Variants in WDR93 observed in about 807,000 individuals in gnomAD.
WDR93 encodes the protein WD repeat-containing protein 93.
In WDR93, 73 loss-of-function variants were observed where a neutral mutation model predicts 82.9. That is an observed-to-expected ratio of 0.88 (90% confidence interval 0.73 to 1.07). The LOEUF is 1.07. WDR93 is among the 50% of genes least tolerant of loss of function. The pLI, the probability that WDR93 is intolerant of heterozygous loss-of-function variation, is 0.00. For missense variants in WDR93, 738 were observed against 826.0 expected, an observed-to-expected ratio of 0.89 and a Z score of 1.31; for synonymous variants, 283 against 300.1, an observed-to-expected ratio of 0.94 and a Z score of 0.59.
intron 5 of WDR93, 54 bp downstream of exon 5, chr15:89,712,158 C>G (rs1017744194): frequency 2.8e-5 from 39 of 1,390,330 alleles, no homozygotes; most frequent in Non-Finnish European, 3.8e-5. Context: ...TTCCAATCTT[C>G]CAAATGATTG....
At position 89,703,127 on chromosome 15, in the gene WDR93, C is replaced by T. The variant is rs1214930386; in HGVS notation, c.481C>T (p.Pro161Ser). ...TDLGNEILIAPVDEMGIIRLF... is the reference protein window; with the variant it reads ...TDLGNEILIASVDEMGIIRLF... ...TTTAGGGAATGAAATACTCATTGCTCCTGTGGATGAAATGGGTATTGTTCT... is the reference window on the plus strand; with the variant it reads ...TTTAGGGAATGAAATACTCATTGCTTCTGTGGATGAAATGGGTATTGTTCT... Residue 161 changes from proline to serine, a missense_variant, in exon 3 of 17, where the codon CCT becomes TCT. Coordinates refer to ENST00000268130, the MANE Select transcript of WDR93 (RefSeq NM_020212.2). 2 of 1,613,968 alleles carry T rather than the reference C, an allele frequency of 1.2e-6. No homozygotes were observed. Among genetic ancestry groups the T allele is most frequent in the Non-Finnish European group, 1.7e-6 (2 of 1,179,996 alleles).
intron 16 of WDR93, among the ~76,000 whole-genome samples, chr15:89,742,338 G>T (rs1442962140): frequency 1.3e-5 from 2 of 152,008 alleles, no homozygotes; most frequent in East Asian, 3.9e-4. Context: ...CTCCCCCAGA[G>T]TACTCCTCTT....
chr15:89,718,648 AAT>A (rs1002853181), intron 7 of WDR93, among the ~76,000 whole-genome samples: 4 of 152,164 alleles, frequency 2.6e-5, no homozygotes, highest in African/African-American at 7.2e-5. Flanking sequence ...TAAAAATAAA[AAT>A]AGTTATATTT....
chr15:89,704,147 A>G (rs28673356), intron 3 of WDR93: 63,919 of 149,390 alleles, frequency 0.43, 14,103 homozygotes, highest in African/African-American at 0.47. Flanking sequence ...CAACATGGTG[A>G]AACCCCGTCT....
chr15:89,731,311 G>C, intron 11 of WDR93, 132 bp from the exon 12 acceptor site: 1 of 1,305,120 alleles, frequency 7.7e-7, no homozygotes, highest in Non-Finnish European at 1.1e-6. Flanking sequence ...GGATGATGGT[G>C]AGTCCAGACA....
At position 89,715,001 on chromosome 15, in the gene WDR93, A is replaced by T; in HGVS notation, c.662A>T (p.Asp221Val). ...GCAGGAGCCGGAGATATTTGGCTGGATGTGTATAAATTGCCCAAGGAGACT... is the reference window on the plus strand; with the variant it reads ...GCAGGAGCCGGAGATATTTGGCTGGTTGTGTATAAATTGCCCAAGGAGACT... The part of the protein sequence containing the change: ...LLQGAGDIWL[D>V]VYKLPKETWL... The change falls in exon 6 of 17, where the codon GAT becomes GTT. Residue 221 changes from aspartate (D) to valine (V), a missense_variant. Coordinates refer to ENST00000268130, the MANE Select transcript of WDR93 (RefSeq NM_020212.2). 2 of 1,613,834 alleles carry T rather than the reference A, an allele frequency of 1.2e-6. No individual in the cohort carries two copies. The highest frequency in any genetic ancestry group is 2.7e-5 in the African/African-American group (2 of 75,010).
At position 89,737,790 on chromosome 15, in the gene WDR93, AAC is replaced by A. The variant is rs1478943920; in HGVS notation, c.1765+63_1765+64del. ...ATTTCCCTGACTTAGTTCTCTCACA[AAC>A]AGAGAGAGCCCCTCCGATCTCCTCC... On this transcript the variant is annotated intron_variant, in intron 15 of 16. Coordinates refer to ENST00000268130, the MANE Select transcript of WDR93 (RefSeq NM_020212.2). 37 of 1,599,302 alleles carry A rather than the reference AAC, an allele frequency of 2.3e-5. No homozygotes were observed. The African/African-American group carries it at 4.8e-4, about 21-fold the overall frequency.
chr15:89,730,302 G>A (rs1451406461), intron 11 of WDR93, among the ~76,000 whole-genome samples: 1 of 145,390 alleles, frequency 6.9e-6, no homozygotes, highest in African/African-American at 2.6e-5. Flanking sequence ...TCCAGCCTGG[G>A]TGACAGAGCA....
intron 7 of WDR93, among the ~76,000 whole-genome samples, chr15:89,720,550 C>T (rs1339652069): frequency 3.3e-5 from 5 of 152,158 alleles, no homozygotes; most frequent in Admixed American, 3.3e-4. Context: ...GAATTATAGG[C>T]GTGAGCCACT....
chr15:89,717,035 CTT>C (rs1195516895), intron 7 of WDR93, 86 bp downstream of exon 7: 13 of 346,328 alleles, frequency 3.8e-5, no homozygotes, highest in African/African-American at 1.5e-4. Context: ...CTTTTCTTTT[CTT>C]TTTCTTTCTT....
At chr15:89,708,591 A>G (rs1227490446) in intron 4 of WDR93, among the ~76,000 whole-genome samples, 2 of 152,182 alleles carry the variant, frequency 1.3e-5, no homozygotes, top group African/African-American at 2.4e-5. Context: ...AGATGATTCA[A>G]TGTCAGGAAT....
At chr15:89,704,315 GA>G (rs1401613546) in intron 3 of WDR93, 3 of 152,220 alleles carry the variant, frequency 2.0e-5, no homozygotes, top group East Asian at 3.9e-4. Flanking sequence ...GTGACAGAAT[GA>G]GACTCCATCT....
intron 1 of WDR93, among the ~76,000 whole-genome samples, chr15:89,699,134 GCTA>G (rs1965330788): frequency 6.6e-6 from 1 of 152,078 alleles, no homozygotes; most frequent in Non-Finnish European, 1.5e-5. Flanking sequence ...AGTCCTGGGA[GCTA>G]CTATACCCTG....
intron 8 of WDR93, among the ~76,000 whole-genome samples, chr15:89,725,635 C>T (rs891875409): frequency 2.7e-5 from 4 of 148,884 alleles, no homozygotes; most frequent in African/African-American, 1.0e-4. Flanking sequence ...GTGGCACAAT[C>T]TCGACTCACT....
chr15:89,732,870 C>G (rs570263712), intron 12 of WDR93, 136 bp from the exon 13 acceptor site: 2 of 768,344 alleles, frequency 2.6e-6, no homozygotes, highest in African/African-American at 3.5e-5. Flanking sequence ...CTGATTTTCT[C>G]TCACAGGGTG....
At position 89,696,502 on chromosome 15, in the gene WDR93, T is replaced by G. The variant is rs535151786; in HGVS notation, c.-40-5205T>G. Among the ~76,000 whole-genome samples, 28 of 151,920 alleles carry G rather than the reference T, an allele frequency of 1.8e-4. 1 individual carries two copies. The highest frequency in any genetic ancestry group is 1.4e-3 in the Admixed American group (21 of 15,258). ...TGGTGGTGGTGGTGGTGGTGGTGGTTGTTTTTGTTTGAGACAGGGCCTCAC... is the reference window on the plus strand; with the variant it reads ...TGGTGGTGGTGGTGGTGGTGGTGGTGGTTTTTGTTTGAGACAGGGCCTCAC... On this transcript the variant is annotated intron_variant, in intron 1 of 16. Coordinates refer to ENST00000268130, the MANE Select transcript of WDR93 (RefSeq NM_020212.2).
intron 1 of WDR93, among the ~76,000 whole-genome samples, chr15:89,697,099 G>C (rs1385838934): frequency 6.6e-6 from 1 of 152,062 alleles, no homozygotes. Flanking sequence ...TGGGACTGAG[G>C]TGCACGCCAC....
intron 6 of WDR93, 96 bp downstream of exon 6, chr15:89,715,191 T>G: frequency 9.1e-6 from 9 of 984,184 alleles, no homozygotes; most frequent in Non-Finnish European, 1.2e-5. Context: ...ATGAGGCCTC[T>G]GGGCTATAAG....
chr15:89,726,238 T>C (rs548230119), intron 8 of WDR93, among the ~76,000 whole-genome samples: 23 of 152,252 alleles, frequency 1.5e-4, no homozygotes, highest in African/African-American at 4.6e-4. Context: ...GCCTGGGCAA[T>C]AGAACACAAC....
Sources: allele counts gnomAD v4.1 joint callset (sites outside exome capture counted in the v4.1 genomes callset), GRCh38; gene constraint gnomAD v4.1.1; transcripts MANE v1.5; gene names NCBI Gene and HGNC (gene_info 2026-07-23, HGNC 2026-07-21).